SEMA3A: variants seen among roughly 807,000 people sequenced by gnomAD.
SEMA3A encodes semaphorin-3A.
A neutral mutation model predicts 97.9 loss-of-function variants in SEMA3A; 29 were observed. That is an observed-to-expected ratio of 0.30 (90% CI 0.22 to 0.40). The LOEUF is 0.40. Ranked by LOEUF, SEMA3A falls within the 10% of genes least tolerant of loss-of-function variation. The pLI is 1.00. For missense variants in SEMA3A, 763 were observed against 951.3 expected (o/e 0.80, Z 2.60); for synonymous variants, 321 against 323.7 (o/e 0.99, Z 0.09).
At chr7:84,033,042 A>G (rs1791815719) in intron 6 of SEMA3A, among the ~76,000 whole-genome samples, 1 of 152,000 alleles carries the variant, frequency 6.6e-6, no homozygotes, top group Admixed American at 6.6e-5. Flanking sequence ...GTTTACAGGG[A>G]AAAAAATTGC....
chr7:84,046,858 G>T (rs1194269414), intron 5 of SEMA3A, among the ~76,000 whole-genome samples: 1 of 151,932 alleles, frequency 6.6e-6, no homozygotes, highest in African/African-American at 2.4e-5. Flanking sequence ...GTAGGGTAAG[G>T]TATCATTATA....
At chr7:83,987,291 G>A (rs1016831785) in intron 12 of SEMA3A, among the ~76,000 whole-genome samples, 5 of 152,022 alleles carry the variant, frequency 3.3e-5, no homozygotes, top group African/African-American at 1.2e-4. Context: ...TATTATGGAA[G>A]TCAATACTGA....
intron 3 of SEMA3A, among the ~76,000 whole-genome samples, chr7:84,258,482 TTCTACCCAATTCAA>T (rs1254808793): frequency 2.0e-5 from 3 of 152,168 alleles, no homozygotes; most frequent in Non-Finnish European, 4.4e-5. Context: ...GAGAAGATAA[TTCTACCCAATTCAA>T]TATTATGCTC....
At chr7:84,404,259 G>C (rs547222738) in intron 1 of SEMA3A, among the ~76,000 whole-genome samples, 1 of 152,234 alleles carries the variant, frequency 6.6e-6, no homozygotes, top group African/African-American at 2.4e-5. Flanking sequence ...ACAAGCCTCA[G>C]TAACCAATGC....
chr7:84,430,789 T>TTGTGTGTGTGTGTG (rs56814153), intron 1 of SEMA3A, among the ~76,000 whole-genome samples: 44 of 143,434 alleles, frequency 3.1e-4, no homozygotes, highest in African/African-American at 9.3e-4. Flanking sequence ...AACATAAAAT[T>TTGTGTGTGTGTGTG]TGTGTGTGTG....
intron 3 of SEMA3A, among the ~76,000 whole-genome samples, chr7:84,203,522 ATATAT>A (rs1214772511): frequency 1.5e-3 from 67 of 43,626 alleles, no homozygotes; most frequent in Middle Eastern, 0.014. Context: ...ATATATATAT[ATATAT>A]TTTTTTTTTT....
chr7:84,039,778 G>A (rs1424891151), intron 6 of SEMA3A, among the ~76,000 whole-genome samples: 1 of 151,822 alleles, frequency 6.6e-6, no homozygotes, highest in Non-Finnish European at 1.5e-5. Context: ...ATAAAATTAA[G>A]CATAATCAAT....
intron 1 of SEMA3A, among the ~76,000 whole-genome samples, chr7:84,462,054 G>A (rs545351722): frequency 5.3e-5 from 8 of 151,970 alleles, no homozygotes; most frequent in African/African-American, 1.9e-4. Context: ...TTAAACGTTG[G>A]TGATAGCCAA....
chr7:84,134,186 T>A (rs565478088), intron 2 of SEMA3A, among the ~76,000 whole-genome samples: 52 of 152,346 alleles, frequency 3.4e-4, no homozygotes, highest in Non-Finnish European at 6.9e-4. Flanking sequence ...AAAAATCTGA[T>A]ACTTTGATCT....
At chr7:84,418,549 T>A (rs1804497336) in intron 1 of SEMA3A, among the ~76,000 whole-genome samples, 1 of 152,060 alleles carries the variant, frequency 6.6e-6, no homozygotes, top group Non-Finnish European at 1.5e-5. Context: ...TCCAATTTGC[T>A]GCCAGTTTGA....
At chr7:84,335,498 CTTAA>C (rs1802014553) in intron 2 of SEMA3A, among the ~76,000 whole-genome samples, 1 of 152,104 alleles carries the variant, frequency 6.6e-6, no homozygotes, top group Admixed American at 6.6e-5. Flanking sequence ...AGAGATCTAT[CTTAA>C]TATCTATTAC....
At chr7:84,255,604 G>C (rs1799700512) in intron 3 of SEMA3A, among the ~76,000 whole-genome samples, 2 of 152,034 alleles carry the variant, frequency 1.3e-5, no homozygotes. Context: ...GTCTAACCTA[G>C]AAAACTTCAG....
At chr7:84,424,726 A>C (rs1260832647) in intron 1 of SEMA3A, among the ~76,000 whole-genome samples, 5 of 99,894 alleles carry the variant, frequency 5.0e-5, no homozygotes, top group East Asian at 3.3e-4. Flanking sequence ...TAAATTATTT[A>C]TATATTATAT....
intron 3 of SEMA3A, among the ~76,000 whole-genome samples, chr7:84,208,144 T>C (rs991015391): frequency 6.6e-6 from 1 of 152,070 alleles, no homozygotes; most frequent in African/African-American, 2.4e-5. Context: ...CCAGGTTATA[T>C]ACTAAAATGT....
At chr7:84,044,377 G>C (rs1286835139) in intron 6 of SEMA3A, among the ~76,000 whole-genome samples, 1 of 151,978 alleles carries the variant, frequency 6.6e-6, no homozygotes, top group African/African-American at 2.4e-5. Context: ...ATCCCTGGTG[G>C]CAGAGGAACA....
chr7:84,382,382 C>T (rs1261396630), intron 1 of SEMA3A, among the ~76,000 whole-genome samples: 1 of 151,556 alleles, frequency 6.6e-6, no homozygotes, highest in African/African-American at 2.4e-5. Context: ...ACTGGGGTTA[C>T]AGGCGTGAGC....
chr7:84,487,279 CA>C (rs904588692), intron 1 of SEMA3A, among the ~76,000 whole-genome samples: 3 of 152,072 alleles, frequency 2.0e-5, no homozygotes, highest in South Asian at 2.1e-4. Flanking sequence ...AAGAGCCCCC[CA>C]TGCAAAGGGA....
chr7:84,139,405 C>T (rs961313550), intron 1 of SEMA3A, among the ~76,000 whole-genome samples: 1 of 152,018 alleles, frequency 6.6e-6, no homozygotes, highest in South Asian at 2.1e-4. Context: ...GATGCCATTT[C>T]AGAACACTCT....
At chr7:84,418,615 T>G (rs1446516893) in intron 1 of SEMA3A, among the ~76,000 whole-genome samples, 1 of 152,026 alleles carries the variant, frequency 6.6e-6, no homozygotes, top group Non-Finnish European at 1.5e-5. Flanking sequence ...TCCTCTATTT[T>G]TCTGTCTTCC....
Sources: gnomAD v4.1 joint callset for allele counts (sites outside exome capture counted in the v4.1 genomes callset) on GRCh38, gnomAD v4.1.1 for gene constraint, MANE v1.5 for transcripts, NCBI Gene and HGNC (gene_info 2026-07-23, HGNC 2026-07-21) for gene names.